The following INO80 variants were observed in gnomAD, a reference collection of about 807,000 sequenced individuals.
INO80 encodes INO80 complex ATPase subunit.
Under a neutral mutation model 203.4 loss-of-function variants are expected in INO80, and 20 were observed. The observed-to-expected ratio is 0.10, with a 90% CI of 0.07 to 0.14. The LOEUF is 0.14. INO80 is among the 10% of genes least tolerant of loss of function. The probability of loss-of-function intolerance (pLI) is 1.00; values close to 1 mark genes in which losing one functional copy is unlikely to be tolerated. For synonymous variants in INO80, 726 were observed against 685.2 expected, an observed-to-expected ratio of 1.06 and a Z score of -0.93; for missense variants, 1,419 against 1,914.4, an observed-to-expected ratio of 0.74 and a Z score of 4.83.
chr15:41,063,344 A>C (rs1474228), intron 14 of INO80, among the ~76,000 whole-genome samples: 1 of 151,884 alleles, frequency 6.6e-6, no homozygotes, highest in Non-Finnish European at 1.5e-5. Flanking sequence ...CTCAAAAAAA[A>C]TTTTAATGTA....
chr15:40,987,100 C>T lies in INO80; in HGVS notation c.3823G>A (p.Glu1275Lys), dbSNP rs1184274898. Residue 1275 changes from glutamate (E) to lysine (K), a missense_variant, in exon 31 of 36, where the codon GAG (glutamate) becomes AAG (lysine). Physicochemically the swap from Glu to Lys is moderately conservative, Grantham distance 56 (BLOSUM62 1). Around this residue, in one of 9 missense-constraint regions of INO80, gnomAD observed 214 missense variants for 248.9 expected, o/e 0.86. Coordinates refer to ENST00000648947, the MANE Select transcript of INO80 (RefSeq NM_017553.3). Reference sequence around the variant, plus strand: ...GGTTTAGAGTACATACGTTTCTTCTCCAACTCTTCGTCGTCTAGAAGAAGA... The same window carrying T: ...GGTTTAGAGTACATACGTTTCTTCTTCAACTCTTCGTCGTCTAGAAGAAGA... ...VSLLLDDEEL[E>K]KKLRLRQEEK... is the part of the protein sequence containing the mutation. 1.9e-6 allele frequency: 3 copies of T among 1,599,864 alleles called. No individual in the cohort carries two copies. Among genetic ancestry groups the T allele is most frequent in the Non-Finnish European group, 8.6e-7 (1 of 1,166,978 alleles).
At chr15:41,061,647 T>C (rs1210091132) in intron 14 of INO80, among the ~76,000 whole-genome samples, 1 of 151,380 alleles carries the variant, frequency 6.6e-6, no homozygotes, top group African/African-American at 2.4e-5. Context: ...AATAAAAAAA[T>C]TTAAAAATAA....
At chr15:41,110,291 C>A (rs1378247366) in intron 1 of INO80, among the ~76,000 whole-genome samples, 1 of 149,428 alleles carries the variant, frequency 6.7e-6, no homozygotes, top group African/African-American at 2.5e-5. Context: ...ACTACAGGCA[C>A]GTGCCAGCAC....
chr15:41,022,255 A>T (rs138934368), intron 25 of INO80, among the ~76,000 whole-genome samples: 2 of 152,344 alleles, frequency 1.3e-5, no homozygotes, highest in African/African-American at 4.8e-5. Flanking sequence ...ACAGCACAGG[A>T]GAGATCAGAA....
intron 25 of INO80, among the ~76,000 whole-genome samples, chr15:41,026,365 C>T (rs767713007): frequency 4.0e-5 from 6 of 151,806 alleles, no homozygotes; most frequent in East Asian, 1.9e-4. Flanking sequence ...ATAGCCTGGG[C>T]GACATGACAA....
At chr15:41,065,796 A>C (rs1237449953) in intron 14 of INO80, among the ~76,000 whole-genome samples, 1 of 152,142 alleles carries the variant, frequency 6.6e-6, no homozygotes. Flanking sequence ...AGCATTCACA[A>C]AGTGTTCAGA....
chr15:40,991,017 TGGTGGAGGTG>T (rs1326888324), intron 29 of INO80, among the ~76,000 whole-genome samples: 4 of 151,962 alleles, frequency 2.6e-5, no homozygotes, highest in African/African-American at 9.7e-5. Flanking sequence ...GGGATGTGGG[TGGTGGAGGTG>T]GGTGGAGGGA....
intron 26 of INO80, 56 bp downstream of exon 26, chr15:41,020,844 C>T: frequency 7.3e-6 from 8 of 1,102,128 alleles, no homozygotes; most frequent in Non-Finnish European, 1.1e-5. Context: ...TGAAGATAAC[C>T]CTGGTTCTCC....
rs888086198 is a variant in INO80 at position 40,996,720 on chromosome 15, C to T, written c.3570+809G>A. Among the ~76,000 whole-genome samples the T allele has an allele frequency of 3.3e-5, 5 of 152,308 alleles. No homozygotes were observed. The East Asian group carries it at 7.7e-4, about 23-fold the overall frequency. ...ATAATTTGTTGGAATATCTTTTCTA[C>T]TTTATTTTTGAAATTACCCTTTTCA... On this transcript the variant is annotated intron_variant, in intron 29 of 35. Transcript: ENST00000648947.
At chr15:41,002,745 G>C (rs2043975695) in intron 28 of INO80, among the ~76,000 whole-genome samples, 1 of 152,158 alleles carries the variant, frequency 6.6e-6, no homozygotes, top group South Asian at 2.1e-4. Context: ...ATTTCTAGTA[G>C]ATATTTCTAT....
intron 24 of INO80, among the ~76,000 whole-genome samples, chr15:41,030,974 C>T (rs1013985357): frequency 1.3e-5 from 2 of 152,180 alleles, no homozygotes; most frequent in African/African-American, 4.8e-5. Flanking sequence ...CTGGCTCATT[C>T]ACTTATTTTT....
intron 14 of INO80, among the ~76,000 whole-genome samples, chr15:41,060,586 A>ATT (rs1472212604): frequency 3.1e-4 from 47 of 152,198 alleles, no homozygotes; most frequent in South Asian, 1.2e-3. Flanking sequence ...GATGTAAGAC[A>ATT]TAGAGAACAA....
At chr15:41,000,971 T>C (rs1477212782) in intron 28 of INO80, among the ~76,000 whole-genome samples, 3 of 152,138 alleles carry the variant, frequency 2.0e-5, no homozygotes, top group Non-Finnish European at 4.4e-5. Context: ...TGTAATTTTA[T>C]CATATTGTAA....
At chr15:41,068,572 C>A (rs889849462) in intron 14 of INO80, among the ~76,000 whole-genome samples, 3 of 150,230 alleles carry the variant, frequency 2.0e-5, no homozygotes, top group Non-Finnish European at 4.4e-5. Flanking sequence ...AAAAAAAAAA[C>A]AACAGCTGTG....
chr15:41,027,341 G>A (rs2044390900), intron 25 of INO80, among the ~76,000 whole-genome samples: 1 of 152,204 alleles, frequency 6.6e-6, no homozygotes, highest in South Asian at 2.1e-4. Context: ...TCCCACTATA[G>A]TTTAGAGCCC....
intron 18 of INO80, among the ~76,000 whole-genome samples, chr15:41,054,460 A>G (rs965151516): frequency 1.3e-5 from 2 of 152,242 alleles, no homozygotes; most frequent in African/African-American, 4.8e-5. Flanking sequence ...TCAGAGAGAT[A>G]TTATTCAACA....
intron 24 of INO80, among the ~76,000 whole-genome samples, chr15:41,032,653 T>C (rs1049020764): frequency 6.6e-6 from 1 of 152,158 alleles, no homozygotes; most frequent in Non-Finnish European, 1.5e-5. Context: ...TCAAAACAAC[T>C]CTATGTTTAG....
At chr15:41,057,817 A>AAAAAAAAAAAG (rs1555403662) in intron 16 of INO80, among the ~76,000 whole-genome samples, 4 of 138,624 alleles carry the variant, frequency 2.9e-5, no homozygotes, top group African/African-American at 9.6e-5. Flanking sequence ...AAAAAAAAAA[A>AAAAAAAAAAAG]AAAGAAAGAA....
chr15:41,059,662 A>G (rs2045067195), intron 15 of INO80, among the ~76,000 whole-genome samples: 1 of 151,858 alleles, frequency 6.6e-6, no homozygotes, highest in African/African-American at 2.4e-5. Flanking sequence ...TCAAAAAAAA[A>G]GATTCTTAAT....
Sources: allele counts gnomAD v4.1 joint callset (sites outside exome capture counted in the v4.1 genomes callset), GRCh38; gene constraint gnomAD v4.1.1; regional missense constraint gnomAD v4.1.1; transcripts MANE v1.5; gene names NCBI Gene and HGNC (gene_info 2026-07-23, HGNC 2026-07-21).